FBXW4: variants seen among roughly 807,000 people sequenced by gnomAD.
FBXW4 encodes F-box and WD repeat domain containing 4, also known as F-box/WD repeat-containing protein 4.
FBXW4 carries 40 observed loss-of-function variants against 61.8 expected under a neutral mutation model. That is an observed-to-expected ratio of 0.65 (90% CI 0.50 to 0.84). The LOEUF (loss-of-function observed/expected upper bound fraction) is 0.84. Ranked by LOEUF, FBXW4 falls within the 40% of genes least tolerant of loss-of-function variation. The pLI, the probability that FBXW4 is intolerant of heterozygous loss-of-function variation, is 0.00. For synonymous variants in FBXW4, 311 were observed against 313.8 expected, an observed-to-expected ratio of 0.99 and a Z score of 0.10; for missense variants, 672 against 753.8, an observed-to-expected ratio of 0.89 and a Z score of 1.27.
intron 1 of FBXW4, among the ~76,000 whole-genome samples, chr10:101,686,349 G>C (rs1487420115): frequency 6.6e-6 from 1 of 152,146 alleles, no homozygotes; most frequent in Non-Finnish European, 1.5e-5. Flanking sequence ...TGATCCCCAA[G>C]AGAGGGAATG....
chr10:101,661,237 C>T (rs911424719), intron 5 of FBXW4, among the ~76,000 whole-genome samples: 1 of 152,172 alleles, frequency 6.6e-6, no homozygotes, highest in Non-Finnish European at 1.5e-5. Context: ...GAAGGAGCTG[C>T]TCCCACAAAT....
At chr10:101,633,560 A>G (rs2063975905) in intron 5 of FBXW4, among the ~76,000 whole-genome samples, 1 of 152,172 alleles carries the variant, frequency 6.6e-6, no homozygotes, top group African/African-American at 2.4e-5. Context: ...ACAAACCCGC[A>G]CGTTCTGTAC....
At chr10:101,664,060 G>T (rs778660981) in intron 5 of FBXW4, among the ~76,000 whole-genome samples, 4 of 152,128 alleles carry the variant, frequency 2.6e-5, no homozygotes, top group Non-Finnish European at 5.9e-5. Context: ...CACATAACCA[G>T]TACTAAATAT....
chr10:101,641,258 G>A (rs1024003589), intron 5 of FBXW4, among the ~76,000 whole-genome samples: 2 of 151,850 alleles, frequency 1.3e-5, no homozygotes, highest in African/African-American at 4.8e-5. Flanking sequence ...CTTTGAGGGG[G>A]AAAAAAGGAA....
At chr10:101,681,080 TTA>T (rs924848537) in intron 1 of FBXW4, among the ~76,000 whole-genome samples, 4 of 152,164 alleles carry the variant, frequency 2.6e-5, no homozygotes, top group Admixed American at 2.0e-4. Flanking sequence ...CTACATAAAA[TTA>T]TGTCTCCATA....
rs759941552 is a variant in FBXW4 at position 101,694,391 on chromosome 10, C to T, written c.715G>A (p.Gly239Ser). Reference protein sequence around the residue: ...ASLNSGFTRLGTDLMTSVPVK... With the variant: ...ASLNSGFTRLSTDLMTSVPVK... ...CGAGCGGACGCTTACAGGTCGGTGC[C>T]GAGCCGCGTGAAGCCGGAGTTGAGC... The change falls in exon 1 of 9, where the codon GGC (glycine) becomes AGC (serine). Residue 239 changes from glycine to serine, a missense_variant. By Grantham distance (56) the Gly-to-Ser change is moderately conservative. Coordinates refer to ENST00000331272, the MANE Select transcript of FBXW4 (RefSeq NM_022039.4). This position sits in a 1 kb window ranked among gnomAD's most constrained non-coding sequence, Gnocchi z 6.0. 4.1e-6 allele frequency: 6 copies of T among 1,472,206 alleles called. No individual in the cohort carries two copies. Among genetic ancestry groups the T allele is most frequent in the Non-Finnish European group, 5.3e-6 (6 of 1,123,222 alleles). 91.2% of individuals were successfully genotyped at this position (1,472,206 alleles called of 1,614,324 possible). A position where few individuals can be genotyped will look rare whatever the true frequency, so the allele number is the denominator to read the frequency against.
chr10:101,646,876 T>G (rs895919914), intron 5 of FBXW4, among the ~76,000 whole-genome samples: 5 of 152,238 alleles, frequency 3.3e-5, no homozygotes, highest in African/African-American at 1.2e-4. Flanking sequence ...ATCCCACAGC[T>G]TCTAATACCC....
At chr10:101,631,803 A>G (rs1201241077) in intron 5 of FBXW4, among the ~76,000 whole-genome samples, 3 of 151,908 alleles carry the variant, frequency 2.0e-5, no homozygotes, top group East Asian at 3.9e-4. Flanking sequence ...AATTTTTTGT[A>G]TTTTTAGTAG....
chr10:101,623,511 C>A (rs577588400), intron 6 of FBXW4, among the ~76,000 whole-genome samples: 3 of 152,208 alleles, frequency 2.0e-5, no homozygotes, highest in African/African-American at 4.8e-5. Flanking sequence ...GATAAAGATA[C>A]TCCAAAAAAT....
chr10:101,646,335 G>A (rs979229820), intron 5 of FBXW4, among the ~76,000 whole-genome samples: 3 of 152,214 alleles, frequency 2.0e-5, no homozygotes, highest in Non-Finnish European at 4.4e-5. Context: ...TGGAATTTGA[G>A]CCCCCTCAAA....
intron 5 of FBXW4, among the ~76,000 whole-genome samples, chr10:101,663,647 A>AT (rs1564919158): frequency 6.6e-6 from 1 of 152,018 alleles, no homozygotes. Flanking sequence ...AAAAAAAAAA[A>AT]AAAGAGTCTG....
At chr10:101,616,525 G>A (rs1274062436) in intron 6 of FBXW4, among the ~76,000 whole-genome samples, 1 of 152,246 alleles carries the variant, frequency 6.6e-6, no homozygotes, top group Admixed American at 6.5e-5. Flanking sequence ...CTACAAGGGG[G>A]CAGCTAAGAA....
At position 101,620,345 on chromosome 10, in the gene FBXW4, G is replaced by C. The variant is rs531434351; in HGVS notation, c.1301+4400C>G. 1.1e-4 allele frequency among the ~76,000 whole-genome samples: 17 copies of C among 152,318 alleles called. No individual in the cohort carries two copies. In the South Asian group the frequency reaches 3.5e-3, roughly 32 times the overall value. The stretch of plus-strand genomic sequence containing the variant: ...CTTCTCTGGGAAAGACAGCTCTAGA[G>C]AGTCATCCTGTCCATCCATTTCCTC... On this transcript the variant is annotated intron_variant, in intron 6 of 8. Transcript: ENST00000331272.
At chr10:101,621,281 CT>C (rs1172135637) in intron 6 of FBXW4, among the ~76,000 whole-genome samples, 3 of 152,244 alleles carry the variant, frequency 2.0e-5, no homozygotes, top group African/African-American at 7.2e-5. Flanking sequence ...AATCCCACAA[CT>C]TTGGGAGGCC....
In FBXW4 at chr10:101,694,801, A is replaced by C; in HGVS notation, c.305T>G (p.Val102Gly). ...EEGARGIVKG[V>G]EGSAGAGKEA... Reference sequence around the variant, plus strand: ...CTTCCCGGCCCCTGCGCTCCCCTCGACTCCCTTGACGATGCCTCTCGCCCC... The same window carrying C: ...CTTCCCGGCCCCTGCGCTCCCCTCGCCTCCCTTGACGATGCCTCTCGCCCC... Residue 102 changes from valine to glycine, a missense_variant, in exon 1 of 9, where the codon GTC becomes GGC. Around this residue, in one of 5 missense-constraint regions of FBXW4, gnomAD observed 311 missense variants for 301.1 expected, o/e 1.03. Transcript: ENST00000331272. This position sits in a 1 kb window ranked among gnomAD's most constrained non-coding sequence, Gnocchi z 6.0. The C allele has an allele frequency of 7.5e-7, 1 of 1,324,752 alleles. No homozygotes were observed. The highest frequency in any genetic ancestry group is 9.6e-7 in the Non-Finnish European group (1 of 1,043,626). The allele number at this position is 1,324,752 out of a possible 1,614,324, so 82.1% of individuals were successfully genotyped here.
chr10:101,611,512 T>C lies in FBXW4; in HGVS notation c.1585-102A>G. Reference sequence around the variant, plus strand: ...CCCAGGGGAAGAGGGACGTGTGCCATTGTAGGCTTCTTCCAACCCTTTCTA... The same window carrying C: ...CCCAGGGGAAGAGGGACGTGTGCCACTGTAGGCTTCTTCCAACCCTTTCTA... On this transcript the variant is annotated intron_variant, in intron 8 of 8. Transcript: ENST00000331272. The surrounding 1 kb of genome is among the most constrained non-coding windows in gnomAD (Gnocchi z 4.9). The C allele has an allele frequency of 6.4e-7, 1 of 1,571,130 alleles. No homozygotes were observed. Among genetic ancestry groups the C allele is most frequent in the Non-Finnish European group, 8.7e-7 (1 of 1,155,250 alleles).
At chr10:101,634,210 CAA>C (rs898399314) in intron 5 of FBXW4, among the ~76,000 whole-genome samples, 2 of 150,330 alleles carry the variant, frequency 1.3e-5, no homozygotes, top group African/African-American at 2.4e-5. Context: ...ACAAAAAAAA[CAA>C]GAGAAAAATG....
intron 5 of FBXW4, among the ~76,000 whole-genome samples, chr10:101,647,782 C>T (rs555358112): frequency 5.9e-5 from 9 of 152,232 alleles, no homozygotes; most frequent in South Asian, 2.1e-4. Context: ...GCTGGGTGAC[C>T]CATCTTACTT....
chr10:101,650,190 C>T (rs2064134426), intron 5 of FBXW4, among the ~76,000 whole-genome samples: 1 of 152,196 alleles, frequency 6.6e-6, no homozygotes, highest in Non-Finnish European at 1.5e-5. Flanking sequence ...TCCTTGGTGG[C>T]TCTACCTGTG....
Sources: gnomAD v4.1 joint callset for allele counts (sites outside exome capture counted in the v4.1 genomes callset) on GRCh38, gnomAD v4.1.1 for gene constraint, gnomAD v4.1.1 regional missense constraint, Gnocchi (gnomAD v3.1) non-coding constraint, MANE v1.5 for transcripts, NCBI Gene and HGNC (gene_info 2026-07-23, HGNC 2026-07-21) for gene names.